Variants in KCNK2 observed in about 807,000 individuals in gnomAD.
KCNK2 encodes potassium channel subfamily K member 2.
KCNK2 carries 21 observed loss-of-function variants against 40.5 expected under a neutral mutation model. The observed-to-expected ratio is 0.52, with a 90% confidence interval of 0.37 to 0.75. The LOEUF (loss-of-function observed/expected upper bound fraction) is 0.75. Among genes scored for constraint, KCNK2 ranks in the 30% least tolerant of loss-of-function variants. KCNK2 has a pLI of 0.00. For missense variants in KCNK2, 399 were observed against 531.6 expected (o/e 0.75, Z 2.45); for synonymous variants, 191 against 202.2 (o/e 0.94, Z 0.47).
chr1:215,169,121 G>T, intron 3 of KCNK2, 78 bp from the exon 4 acceptor site: 1 of 1,149,448 alleles, frequency 8.7e-7, no homozygotes, highest in East Asian at 2.4e-5. Flanking sequence ...GCAATTTTTT[G>T]GAGTTTCTGA....
chr1:215,071,245 G>A (rs1658747235), intron 1 of KCNK2, among the ~76,000 whole-genome samples: 1 of 152,178 alleles, frequency 6.6e-6, no homozygotes. Context: ...CAAGGTCTCA[G>A]AGAAGCTTGT....
chr1:215,083,718 C>A (rs1049256225), intron 1 of KCNK2: 17 of 530,032 alleles, frequency 3.2e-5, no homozygotes, highest in Non-Finnish European at 5.8e-5. Flanking sequence ...AGGGTCAGCC[C>A]TTGGGAGTAG....
chr1:215,216,993 A>G (rs926672560), intron 6 of KCNK2, among the ~76,000 whole-genome samples: 3 of 152,230 alleles, frequency 2.0e-5, no homozygotes, highest in Admixed American at 6.5e-5. Context: ...TATGGTCTGT[A>G]ATTGATATCT....
chr1:215,019,957 A>G (rs1656732823), intron 1 of KCNK2, among the ~76,000 whole-genome samples: 1 of 152,062 alleles, frequency 6.6e-6, no homozygotes, highest in Admixed American at 6.6e-5. Context: ...CACTATATAT[A>G]TATATTTACC....
At chr1:215,168,889 T>A (rs1663570884) in intron 3 of KCNK2, among the ~76,000 whole-genome samples, 1 of 151,926 alleles carries the variant, frequency 6.6e-6, no homozygotes, top group Admixed American at 6.6e-5. Flanking sequence ...AAAGAAATAT[T>A]TAATGAAAAT....
intron 1 of KCNK2, among the ~76,000 whole-genome samples, chr1:215,012,203 A>G (rs1656422643): frequency 6.6e-6 from 1 of 152,162 alleles, no homozygotes; most frequent in African/African-American, 2.4e-5. Context: ...AAATGTACAT[A>G]TAACTCTATA....
intron 2 of KCNK2, among the ~76,000 whole-genome samples, chr1:215,091,039 A>G (rs776192780): frequency 6.6e-6 from 1 of 152,188 alleles, no homozygotes; most frequent in Non-Finnish European, 1.5e-5. Flanking sequence ...ATCAAAGGAG[A>G]TAGCTATTAA....
chr1:215,070,486 G>A (rs915874530), intron 1 of KCNK2, among the ~76,000 whole-genome samples: 1 of 151,832 alleles, frequency 6.6e-6, no homozygotes, highest in South Asian at 2.1e-4. Flanking sequence ...CACATGGCTG[G>A]GGAGGCCTCA....
intron 2 of KCNK2, among the ~76,000 whole-genome samples, chr1:215,090,900 A>AT (rs1659665759): frequency 6.6e-6 from 1 of 151,928 alleles, no homozygotes; most frequent in African/African-American, 2.4e-5. Context: ...TAGGCATCTC[A>AT]TTTTCGTTCA....
At chr1:215,178,821 C>A (rs1242205869) in intron 5 of KCNK2, among the ~76,000 whole-genome samples, 1 of 152,010 alleles carries the variant, frequency 6.6e-6, no homozygotes, top group African/African-American at 2.4e-5. Context: ...GTTATTGTGT[C>A]TTTTGCCATA....
At chr1:215,107,507 A>G (rs1053744226) in intron 2 of KCNK2, among the ~76,000 whole-genome samples, 1 of 151,996 alleles carries the variant, frequency 6.6e-6, no homozygotes, top group Non-Finnish European at 1.5e-5. Context: ...TATTGACAAT[A>G]TTTGTTACTT....
chr1:215,027,299 A>G (rs971703775), intron 1 of KCNK2, among the ~76,000 whole-genome samples: 1 of 152,168 alleles, frequency 6.6e-6, no homozygotes, highest in Admixed American at 6.5e-5. Flanking sequence ...ACATAGTGAT[A>G]ACAAGCTTTC....
chr1:215,196,810 G>A (rs1664886618), intron 6 of KCNK2, among the ~76,000 whole-genome samples: 2 of 151,966 alleles, frequency 1.3e-5, no homozygotes, highest in South Asian at 4.1e-4. Context: ...ATTGTAGCTA[G>A]GGAATGTTTT....
chr1:215,099,777 T>G (rs1160557685), intron 2 of KCNK2, among the ~76,000 whole-genome samples: 1 of 152,000 alleles, frequency 6.6e-6, no homozygotes, highest in Non-Finnish European at 1.5e-5. Context: ...TTGGCTATTG[T>G]AAAGTTCCTC....
intron 1 of KCNK2, among the ~76,000 whole-genome samples, chr1:215,038,074 T>TG: frequency 6.6e-6 from 1 of 151,952 alleles, no homozygotes; most frequent in East Asian, 1.9e-4. Context: ...TCTCCTAATC[T>TG]TGGGGCAAGA....
At chr1:215,197,350 G>A (rs964098560) in intron 6 of KCNK2, among the ~76,000 whole-genome samples, 2 of 152,108 alleles carry the variant, frequency 1.3e-5, no homozygotes, top group African/African-American at 2.4e-5. Flanking sequence ...GTCCAAGAAG[G>A]TGCTAGCAGG....
chr1:215,203,264 G>A (rs1285750633), intron 6 of KCNK2, among the ~76,000 whole-genome samples: 3 of 152,144 alleles, frequency 2.0e-5, no homozygotes, highest in African/African-American at 7.2e-5. Flanking sequence ...TGGGTTTTGA[G>A]GCCAACAGAA....
Position 215,169,273 on chromosome 1 carries a change from C to A in KCNK2, c.550C>A (p.Leu184Ile). 6.2e-7 allele frequency: 1 copy of A among 1,613,272 alleles called. No homozygotes were observed. Among genetic ancestry groups the A allele is most frequent in the Non-Finnish European group, 8.5e-7 (1 of 1,179,492 alleles). Residue 184 changes from leucine (L) to isoleucine (I), a missense_variant, in exon 4 of 7, where the codon CTC becomes ATC. Coordinates refer to ENST00000444842, the MANE Select transcript of KCNK2 (RefSeq NM_001017425.3). Reference protein sequence around the residue: ...CIIYALLGIPLFGFLLAGVGD... With the variant: ...CIIYALLGIPIFGFLLAGVGD... ...CATCTATGCCTTACTGGGAATTCCCCTCTTTGGTTTTCTCTTGGCTGGAGT... is the reference window on the plus strand; with the variant it reads ...CATCTATGCCTTACTGGGAATTCCCATCTTTGGTTTTCTCTTGGCTGGAGT...
Position 215,083,430 on chromosome 1 carries a change from AGGTGAGACCCCCCC to A in KCNK2, c.46_46+13del. ...GGGAGAGACCCGGCTATAGAGCAGG[AGGTGAGACCCCCCC>A]TCCGGTACCCCCACCCCTCTGGCCG... On this transcript the variant is annotated splice_donor_variant and splice_donor_5th_base_variant and coding_sequence_variant and intron_variant, in exon 1 of 7. Transcript: ENST00000444842. LOFTEE classifies it high-confidence loss of function. The A allele has an allele frequency of 6.2e-7, 1 of 1,611,492 alleles. No homozygotes were observed. Among genetic ancestry groups the A allele is most frequent in the Non-Finnish European group, 8.5e-7 (1 of 1,178,016 alleles).
Sources: gnomAD v4.1 joint callset for allele counts (sites outside exome capture counted in the v4.1 genomes callset) on GRCh38, gnomAD v4.1.1 for gene constraint, MANE v1.5 for transcripts, NCBI Gene and HGNC (gene_info 2026-07-23, HGNC 2026-07-21) for gene names.